The following GPHN variants were observed in gnomAD, a reference collection of about 807,000 sequenced individuals.
GPHN encodes gephyrin.
A neutral mutation model predicts 95.5 loss-of-function variants in GPHN; 17 were observed. The ratio of observed to expected loss-of-function variants is 0.18; its 90% CI spans 0.12 to 0.27. GPHN has a LOEUF of 0.27. GPHN is among the 10% of genes least tolerant of loss of function. The pLI, the probability that GPHN is intolerant of heterozygous loss-of-function variation, is 1.00. For synonymous variants in GPHN, 320 were observed against 322.5 expected (o/e 0.99, Z 0.08); for missense variants, 660 against 978.1 (o/e 0.67, Z 4.34).
At chr14:67,308,808 C>A in the GPHN span, among the ~76,000 whole-genome samples, 1 of 152,064 alleles carries the variant, frequency 6.6e-6, no homozygotes, top group Admixed American at 6.6e-5. Flanking sequence ...ATGTACTACT[C>A]TACTTACTAT....
chr14:67,283,282 C>G, the GPHN span, among the ~76,000 whole-genome samples: 1 of 152,102 alleles, frequency 6.6e-6, no homozygotes, highest in Non-Finnish European at 1.5e-5. Flanking sequence ...TCAGATGTCT[C>G]TGGATATTCA....
At position 66,777,488 on chromosome 14, in the gene GPHN, C is replaced by T. The variant is rs1419113674; in HGVS notation, c.201+967C>T. 3.3e-5 allele frequency among the ~76,000 whole-genome samples: 5 copies of T among 152,156 alleles called. 1 individual carries two copies. In the East Asian group the frequency reaches 9.6e-4, roughly 29 times the overall value. The stretch of plus-strand genomic sequence containing the variant: ...ACTCATTTTATGAGGCCAGCATCAT[C>T]CTGATACCAAAGCCGGGCAGAGACA... On this transcript the variant is annotated intron_variant, in intron 3 of 22. Transcript: ENST00000478722.
At chr14:67,074,471 G>T (rs1406942386) in intron 11 of GPHN, among the ~76,000 whole-genome samples, 2 of 152,054 alleles carry the variant, frequency 1.3e-5, no homozygotes, top group East Asian at 1.9e-4. Flanking sequence ...TTGCCAATTG[G>T]CTGTTCCCTT....
At chr14:66,931,410 C>T (rs1280204928) in intron 8 of GPHN, among the ~76,000 whole-genome samples, 1 of 152,004 alleles carries the variant, frequency 6.6e-6, no homozygotes, top group East Asian at 1.9e-4. Context: ...TTTGAAAGAT[C>T]TTTGTTAATA....
the GPHN span, chr14:67,562,627 C>T: frequency 1.9e-6 from 3 of 1,613,028 alleles, no homozygotes; most frequent in Non-Finnish European, 2.5e-6. Context: ...AAAGGCACCA[C>T]AGCCAGCCCC....
intron 9 of GPHN, among the ~76,000 whole-genome samples, chr14:66,995,575 GC>G (rs1410890143): frequency 4.0e-5 from 6 of 151,822 alleles, no homozygotes. Context: ...CATTAAATAA[GC>G]ATTTATTGAG....
At chr14:67,480,416 C>T in the GPHN span, among the ~76,000 whole-genome samples, 5 of 152,120 alleles carry the variant, frequency 3.3e-5, no homozygotes, top group Non-Finnish European at 7.4e-5. Context: ...CTGTGGCTAC[C>T]GAGGGATGAA....
At chr14:66,782,748 G>A (rs755960479) in intron 3 of GPHN, among the ~76,000 whole-genome samples, 8 of 152,252 alleles carry the variant, frequency 5.3e-5, no homozygotes, top group Admixed American at 2.0e-4. Context: ...GAGAAGAATC[G>A]CTTGAACCCG....
At chr14:67,065,006 T>G (rs2153653493) in intron 11 of GPHN, among the ~76,000 whole-genome samples, 1 of 152,338 alleles carries the variant, frequency 6.6e-6, no homozygotes, top group Non-Finnish European at 1.5e-5. Context: ...GCTTCTCTAG[T>G]TCTTTTAATT....
chr14:66,654,608 T>C (rs1038492079), intron 1 of GPHN, among the ~76,000 whole-genome samples: 2 of 152,184 alleles, frequency 1.3e-5, no homozygotes, highest in Non-Finnish European at 2.9e-5. Flanking sequence ...TAGCCTCTTC[T>C]TTCACTTTCT....
chr14:67,725,278 A>G, the GPHN span: 4 of 1,611,990 alleles, frequency 2.5e-6, no homozygotes, highest in Non-Finnish European at 3.4e-6. Context: ...GGGTAGGTAG[A>G]AAAGCAGGAA....
chr14:67,540,625 C>CAAAA, the GPHN span, among the ~76,000 whole-genome samples: 1 of 123,248 alleles, frequency 8.1e-6, no homozygotes, highest in Non-Finnish European at 1.8e-5. Context: ...GACTCTCCCT[C>CAAAA]AAAAAAAAAA....
At chr14:67,209,677 G>T in the GPHN span, among the ~76,000 whole-genome samples, 2 of 151,784 alleles carry the variant, frequency 1.3e-5, no homozygotes, top group African/African-American at 2.4e-5. Context: ...AATTAGCCAG[G>T]TGTGGTGGCA....
chr14:67,660,741 T>C, the GPHN span, among the ~76,000 whole-genome samples: 1 of 152,170 alleles, frequency 6.6e-6, no homozygotes, highest in Non-Finnish European at 1.5e-5. Context: ...CCTAAATTAT[T>C]TTCATCTGCC....
At chr14:66,746,202 C>T (rs1340696088) in intron 2 of GPHN, among the ~76,000 whole-genome samples, 2 of 152,076 alleles carry the variant, frequency 1.3e-5, no homozygotes, top group Non-Finnish European at 2.9e-5. Context: ...CCCAGATGTA[C>T]AATTGCTGGC....
At chr14:67,655,986 C>T in the GPHN span, among the ~76,000 whole-genome samples, 20 of 152,170 alleles carry the variant, frequency 1.3e-4, no homozygotes, top group Admixed American at 1.3e-3. Flanking sequence ...TGGCTCACGC[C>T]TATAATCCTA....
chr14:67,361,716 A>C, the GPHN span, among the ~76,000 whole-genome samples: 1 of 152,234 alleles, frequency 6.6e-6, no homozygotes, highest in Non-Finnish European at 1.5e-5. Context: ...ATATATTTTG[A>C]AAGGTGGCTG....
chr14:66,662,805 A>T (rs1279712185), intron 1 of GPHN, among the ~76,000 whole-genome samples: 3 of 152,272 alleles, frequency 2.0e-5, no homozygotes, highest in Admixed American at 6.5e-5. Context: ...GCTGAAGAAA[A>T]CAACAGAAGA....
intron 4 of GPHN, among the ~76,000 whole-genome samples, chr14:66,824,810 C>T (rs2061334226): frequency 6.6e-6 from 1 of 152,000 alleles, no homozygotes; most frequent in South Asian, 2.1e-4. Flanking sequence ...GGTAATCTGT[C>T]ATTTTCTTGA....
Sources: allele counts gnomAD v4.1 joint callset (sites outside exome capture counted in the v4.1 genomes callset), GRCh38; gene constraint gnomAD v4.1.1; transcripts MANE v1.5; gene names NCBI Gene and HGNC (gene_info 2026-07-23, HGNC 2026-07-21).